Variants in RERE observed in about 807,000 individuals in gnomAD.
RERE encodes arginine-glutamic acid dipeptide repeats, also known as arginine-glutamic acid dipeptide repeats protein.
A neutral mutation model predicts 146.1 loss-of-function variants in RERE; 40 were observed. The ratio of observed to expected loss-of-function variants is 0.27; its 90% CI spans 0.21 to 0.36. RERE has a LOEUF of 0.36. Among genes scored for constraint, RERE ranks in the 10% least tolerant of loss-of-function variants. The pLI is 1.00. For synonymous variants in RERE, 1,003 were observed against 866.0 expected (o/e 1.16, Z -2.78); for missense variants, 1,933 against 2,138.7 (o/e 0.90, Z 1.90).
intron 1 of RERE, among the ~76,000 whole-genome samples, chr1:8,797,296 T>G (rs1641494621): frequency 6.6e-6 from 1 of 151,860 alleles, no homozygotes; most frequent in Non-Finnish European, 1.5e-5. Context: ...AAGAATTACT[T>G]GAACCCAGGA....
intron 1 of RERE, among the ~76,000 whole-genome samples, chr1:8,800,654 G>T (rs1043801777): frequency 2.6e-5 from 4 of 151,986 alleles, no homozygotes; most frequent in Non-Finnish European, 5.9e-5. Context: ...CTGAGAAAGA[G>T]AGATTCCGTC....
At chr1:8,798,116 C>T (rs1200220886) in intron 1 of RERE, among the ~76,000 whole-genome samples, 2 of 152,240 alleles carry the variant, frequency 1.3e-5, no homozygotes, top group East Asian at 1.9e-4. Context: ...AAACTTAGGC[C>T]GGATGCAGTG....
intron 1 of RERE, among the ~76,000 whole-genome samples, chr1:8,765,841 A>G (rs1348507804): frequency 1.3e-5 from 2 of 152,038 alleles, no homozygotes; most frequent in African/African-American, 4.8e-5. Flanking sequence ...AATCCCGGCT[A>G]CCCGGGAGGC....
At chr1:8,644,748 A>G (rs1647244667) in intron 2 of RERE, among the ~76,000 whole-genome samples, 2 of 152,142 alleles carry the variant, frequency 1.3e-5, no homozygotes, top group South Asian at 4.1e-4. Flanking sequence ...CTGCCAACTC[A>G]GTCTCCTGAG....
chr1:8,675,823 G>C (rs1638829368), intron 1 of RERE, among the ~76,000 whole-genome samples: 1 of 151,990 alleles, frequency 6.6e-6, no homozygotes, highest in Admixed American at 6.6e-5. Context: ...CTTGGGACCA[G>C]AGCAGTTTCA....
intron 11 of RERE, among the ~76,000 whole-genome samples, chr1:8,448,202 T>C (rs1321437089): frequency 6.6e-6 from 1 of 152,170 alleles, no homozygotes; most frequent in Non-Finnish European, 1.5e-5. Flanking sequence ...TGACGTTTCC[T>C]ATTATCAGTA....
At chr1:8,529,473 T>G (rs1645613517) in intron 7 of RERE, among the ~76,000 whole-genome samples, 1 of 151,700 alleles carries the variant, frequency 6.6e-6, no homozygotes, top group Non-Finnish European at 1.5e-5. Context: ...TAATTTTTTT[T>G]TTTTTTTTAG....
chr1:8,700,501 A>G (rs549827795), intron 1 of RERE, among the ~76,000 whole-genome samples: 45 of 152,254 alleles, frequency 3.0e-4, no homozygotes, highest in African/African-American at 1.0e-3. Flanking sequence ...ACTTGAAACA[A>G]TAACACTATA....
intron 4 of RERE, among the ~76,000 whole-genome samples, chr1:8,571,491 A>C (rs190536060): frequency 6.6e-6 from 1 of 152,374 alleles, no homozygotes; most frequent in East Asian, 1.9e-4. Flanking sequence ...ATAGGAATCC[A>C]AGTACAGCCA....
chr1:8,575,563 T>TATATATATATATATATATATATATATA (rs903438773), intron 4 of RERE, among the ~76,000 whole-genome samples: 1 of 84,826 alleles, frequency 1.2e-5, no homozygotes, highest in African/African-American at 3.7e-5. Context: ...ATATATATAT[T>TATATATATATATATATATATATATATA]TTTTTTTTTT....
rs1339038146 is a variant in RERE at position 8,395,888 on chromosome 1, C to T, written c.1284+26839G>A. 4.6e-5 allele frequency among the ~76,000 whole-genome samples: 7 copies of T among 152,108 alleles called. No individual in the cohort carries two copies. In the East Asian group the frequency reaches 1.2e-3, roughly 25 times the overall value. ...AGCCAGTGAGAGTGCCCAAGGAACA[C>T]GGGAGCACAAATCTGAGAAGGAACA... On this transcript the variant is annotated intron_variant, in intron 12 of 22. Transcript: ENST00000400908.
chr1:8,433,856 G>A (rs1280234085), intron 11 of RERE, among the ~76,000 whole-genome samples: 3 of 152,140 alleles, frequency 2.0e-5, no homozygotes, highest in South Asian at 2.1e-4. Context: ...CACCGCGCCC[G>A]GCCCCATTCA....
At chr1:8,371,683 A>G (rs1167641215) in intron 12 of RERE, among the ~76,000 whole-genome samples, 1 of 152,242 alleles carries the variant, frequency 6.6e-6, no homozygotes, top group African/African-American at 2.4e-5. Context: ...TCACACAGAC[A>G]CAACGTAAGA....
rs376875752 is a variant in RERE, at chr1:8,409,888, T to C, written c.1284+12839A>G. The stretch of plus-strand genomic sequence containing the variant: ...GCATGATGATGTTGGGCTCTGGCAC[T>C]GGAAATCTTTGCTCAGGTCCATTCT... On this transcript the variant is annotated intron_variant, in intron 12 of 22. Transcript: ENST00000400908. Among the ~76,000 whole-genome samples the C allele has an allele frequency of 1.7e-3, 252 of 151,814 alleles. 1 individual carries two copies. The highest frequency in any genetic ancestry group is 5.6e-3 in the African/African-American group (232 of 41,386).
intron 1 of RERE, among the ~76,000 whole-genome samples, chr1:8,737,439 T>C (rs1640223238): frequency 1.3e-5 from 2 of 152,296 alleles, no homozygotes; most frequent in Admixed American, 1.3e-4. Flanking sequence ...TCTCCAAAAA[T>C]GTGAGTTATT....
intron 4 of RERE, among the ~76,000 whole-genome samples, chr1:8,564,753 G>C (rs181250960): frequency 6.6e-6 from 1 of 151,824 alleles, no homozygotes; most frequent in African/African-American, 2.4e-5. Flanking sequence ...ACAAGTTAGG[G>C]AATCAACCTC....
At chr1:8,633,778 A>T (rs1570541638) in intron 2 of RERE, among the ~76,000 whole-genome samples, 1 of 151,854 alleles carries the variant, frequency 6.6e-6, no homozygotes, top group East Asian at 1.9e-4. Flanking sequence ...AGAAAAAAAA[A>T]ATTACCCAGG....
intron 3 of RERE, among the ~76,000 whole-genome samples, chr1:8,620,993 A>T (rs1210726192): frequency 6.6e-6 from 1 of 151,936 alleles, no homozygotes; most frequent in Non-Finnish European, 1.5e-5. Context: ...CATAGCCTCC[A>T]CCTACCCTGT....
chr1:8,594,034 T>C (rs999099337), intron 4 of RERE, among the ~76,000 whole-genome samples: 2 of 152,174 alleles, frequency 1.3e-5, no homozygotes, highest in Non-Finnish European at 2.9e-5. Flanking sequence ...GGTTATATAA[T>C]AAACAGCCAA....
Sources: allele counts gnomAD v4.1 joint callset (sites outside exome capture counted in the v4.1 genomes callset), GRCh38; gene constraint gnomAD v4.1.1; transcripts MANE v1.5; gene names NCBI Gene and HGNC (gene_info 2026-07-23, HGNC 2026-07-21).